PIP4P2: variants seen among roughly 807,000 people sequenced by gnomAD.
The protein encoded by PIP4P2 is phosphatidylinositol-4,5-bisphosphate 4-phosphatase 2.
In PIP4P2, 19 loss-of-function variants were observed where a neutral mutation model predicts 33.3. The observed-to-expected ratio is 0.57, with a 90% CI of 0.40 to 0.84. The LOEUF (loss-of-function observed/expected upper bound fraction) is 0.84. Ranked by LOEUF, PIP4P2 falls within the 40% of genes least tolerant of loss-of-function variation. The probability of loss-of-function intolerance (pLI) is 0.00; values close to 1 mark genes in which losing one functional copy is unlikely to be tolerated. For synonymous variants in PIP4P2, 110 were observed against 111.9 expected (o/e 0.98, Z 0.11); for missense variants, 270 against 324.7 (o/e 0.83, Z 1.29).
intron 1 of PIP4P2, among the ~76,000 whole-genome samples, chr8:91,028,061 AT>A (rs1400803909): frequency 6.6e-6 from 1 of 152,214 alleles, no homozygotes; most frequent in Non-Finnish European, 1.5e-5. Flanking sequence ...AATAGCAGCA[AT>A]TAAACACTGA....
chr8:91,037,929 T>A (rs1812253418), intron 1 of PIP4P2, among the ~76,000 whole-genome samples: 2 of 152,318 alleles, frequency 1.3e-5, no homozygotes, highest in South Asian at 4.1e-4. Context: ...CAATCTCCTT[T>A]CAGATGAGCC....
intron 5 of PIP4P2, among the ~76,000 whole-genome samples, chr8:91,003,921 G>C (rs904817270): frequency 6.6e-6 from 1 of 150,718 alleles, no homozygotes; most frequent in Non-Finnish European, 1.5e-5. Flanking sequence ...TATTAGTCAG[G>C]GTTCTCCAGA....
intron 5 of PIP4P2, among the ~76,000 whole-genome samples, chr8:91,001,824 A>G (rs912325263): frequency 6.6e-6 from 1 of 152,076 alleles, no homozygotes; most frequent in Non-Finnish European, 1.5e-5. Flanking sequence ...ATATAAAAAA[A>G]TTTTGGCATG....
At chr8:91,019,542 T>C (rs1421509636) in intron 3 of PIP4P2, among the ~76,000 whole-genome samples, 2 of 149,568 alleles carry the variant, frequency 1.3e-5, no homozygotes, top group East Asian at 2.0e-4. Context: ...CTTTTGAGAC[T>C]CTTCCCGTTG....
chr8:91,016,735 A>G (rs976386891), intron 4 of PIP4P2: 14 of 152,350 alleles, frequency 9.2e-5, no homozygotes, highest in Admixed American at 7.2e-4. Flanking sequence ...AACACAGGAA[A>G]GAGGTAAAAG....
At chr8:91,001,953 A>AT in intron 5 of PIP4P2, among the ~76,000 whole-genome samples, 1 of 152,168 alleles carries the variant, frequency 6.6e-6, no homozygotes, top group South Asian at 2.1e-4. Flanking sequence ...CCTAGATCGC[A>AT]TAAGTGATAT....
In PIP4P2 at chr8:91,004,165, C is replaced by T. The variant is rs115837972; in HGVS notation, c.539+4578G>A. 1.7e-3 allele frequency among the ~76,000 whole-genome samples: 260 copies of T among 152,210 alleles called. 1 individual carries two copies. The highest frequency in any genetic ancestry group is 6.1e-3 in the African/African-American group (253 of 41,540). On this transcript the variant is annotated intron_variant, in intron 5 of 6. Coordinates refer to ENST00000285419, the MANE Select transcript of PIP4P2 (RefSeq NM_018710.3). The stretch of plus-strand genomic sequence containing the variant: ...GCCTCAGAATCAGGGAAGCCAATGG[C>T]GTAATTCTCAGTCTGAGGAGGAAGG...
At chr8:91,033,607 C>T (rs757747927) in intron 1 of PIP4P2, among the ~76,000 whole-genome samples, 3 of 152,052 alleles carry the variant, frequency 2.0e-5, no homozygotes, top group Non-Finnish European at 2.9e-5. Flanking sequence ...CATGTCTCTC[C>T]TTTGCTCCAA....
At chr8:91,035,942 G>A (rs960128107) in intron 1 of PIP4P2, among the ~76,000 whole-genome samples, 10 of 151,748 alleles carry the variant, frequency 6.6e-5, no homozygotes, top group Non-Finnish European at 1.0e-4. Flanking sequence ...GGCCTGAGAG[G>A]TCAAGACTGC....
intron 2 of PIP4P2, among the ~76,000 whole-genome samples, 176 bp from the exon 3 acceptor site, chr8:91,020,439 T>A (rs1586181825): frequency 1.3e-5 from 2 of 152,346 alleles, no homozygotes; most frequent in Middle Eastern, 6.8e-3. Context: ...GTATTCATGT[T>A]TTGTGGTCCT....
chr8:90,996,472 T>A (rs1035085715), intron 6 of PIP4P2, among the ~76,000 whole-genome samples, 182 bp downstream of exon 6: 1 of 151,890 alleles, frequency 6.6e-6, no homozygotes, highest in Non-Finnish European at 1.5e-5. Context: ...GATGGGCGAG[T>A]TCAATCAAAA....
At chr8:91,028,339 T>C (rs888759184) in intron 1 of PIP4P2, among the ~76,000 whole-genome samples, 1 of 152,228 alleles carries the variant, frequency 6.6e-6, no homozygotes, top group African/African-American at 2.4e-5. Flanking sequence ...TAAATCTTCC[T>C]TCAAACTTTC....
chr8:90,997,574 CTAAT>C (rs553412718), intron 5 of PIP4P2, among the ~76,000 whole-genome samples: 100 of 152,028 alleles, frequency 6.6e-4, no homozygotes, highest in Non-Finnish European at 9.7e-4. Context: ...CTCTCTGTAT[CTAAT>C]TGTGGTAATT....
intron 1 of PIP4P2, among the ~76,000 whole-genome samples, chr8:91,027,492 T>C (rs999778679): frequency 6.6e-6 from 1 of 152,226 alleles, no homozygotes; most frequent in African/African-American, 2.4e-5. Flanking sequence ...TCAACATGTT[T>C]CAGAAGGGCA....
chr8:91,029,611 A>G (rs1812131818), intron 1 of PIP4P2, among the ~76,000 whole-genome samples: 1 of 152,200 alleles, frequency 6.6e-6, no homozygotes, highest in African/African-American at 2.4e-5. Context: ...GTAGAAGTTC[A>G]TAGGCAAGGG....
At chr8:91,000,860 T>G (rs1811690185) in intron 5 of PIP4P2, among the ~76,000 whole-genome samples, 1 of 152,026 alleles carries the variant, frequency 6.6e-6, no homozygotes, top group East Asian at 1.9e-4. Flanking sequence ...AGATCAGATA[T>G]ATAATTGGCA....
At chr8:91,026,605 A>T (rs1430176668) in intron 1 of PIP4P2, among the ~76,000 whole-genome samples, 1 of 152,142 alleles carries the variant, frequency 6.6e-6, no homozygotes, top group Admixed American at 6.5e-5. Context: ...TGTTTACCTT[A>T]CAGTTACCTA....
At chr8:90,997,229 TG>T (rs1811640904) in intron 5 of PIP4P2, among the ~76,000 whole-genome samples, 5 of 152,076 alleles carry the variant, frequency 3.3e-5, no homozygotes. Context: ...TCAGTATTTT[TG>T]CATACTTTCC....
chr8:91,040,388 A>AACAT (rs1812287282), intron 1 of PIP4P2, among the ~76,000 whole-genome samples: 1 of 149,730 alleles, frequency 6.7e-6, no homozygotes, highest in Non-Finnish European at 1.5e-5. Context: ...ATACACACAC[A>AACAT]CACCATCACC....
Sources: gnomAD v4.1 joint callset for allele counts (sites outside exome capture counted in the v4.1 genomes callset) on GRCh38, gnomAD v4.1.1 for gene constraint, MANE v1.5 for transcripts, NCBI Gene and HGNC (gene_info 2026-07-23, HGNC 2026-07-21) for gene names.